Variants in GRID2 observed in about 807,000 individuals in gnomAD.
GRID2 encodes glutamate receptor ionotropic, delta-2.
A neutral mutation model predicts 114.8 loss-of-function variants in GRID2; 33 were observed. The ratio of observed to expected loss-of-function variants is 0.29; its 90% confidence interval spans 0.22 to 0.38. The LOEUF (loss-of-function observed/expected upper bound fraction) is 0.38, where lower values mean the gene tolerates loss of function less well. Among genes scored for constraint, GRID2 ranks in the 10% least tolerant of loss-of-function variants. The pLI, the probability that GRID2 is intolerant of heterozygous loss-of-function variation, is 1.00. For synonymous variants in GRID2, 505 were observed against 449.9 expected (o/e 1.12, Z -1.55); for missense variants, 1,184 against 1,257.7 (o/e 0.94, Z 0.89).
intron 1 of GRID2, among the ~76,000 whole-genome samples, chr4:92,334,338 T>G (rs1727055484): frequency 6.6e-6 from 1 of 152,334 alleles, no homozygotes; most frequent in East Asian, 1.9e-4. Context: ...TAGCAATCTG[T>G]GCTTTTGTTA....
At chr4:92,372,984 A>C (rs1360293986) in intron 1 of GRID2, among the ~76,000 whole-genome samples, 4 of 152,138 alleles carry the variant, frequency 2.6e-5, no homozygotes, top group Non-Finnish European at 5.9e-5. Flanking sequence ...TATTCAAACA[A>C]GTTGGTTTTA....
intron 14 of GRID2, among the ~76,000 whole-genome samples, chr4:93,663,667 T>C (rs908994532): frequency 2.0e-5 from 3 of 152,150 alleles, no homozygotes; most frequent in Non-Finnish European, 4.4e-5. Context: ...CCTCAGTCTA[T>C]GGGCCAGATA....
At chr4:92,658,427 G>A (rs1032371259) in intron 2 of GRID2, among the ~76,000 whole-genome samples, 3 of 151,712 alleles carry the variant, frequency 2.0e-5, no homozygotes, top group Non-Finnish European at 4.4e-5. Flanking sequence ...CAAGAAAAAA[G>A]GATTGCACAG....
intron 2 of GRID2, among the ~76,000 whole-genome samples, chr4:92,615,181 C>T (rs556461865): frequency 6.6e-6 from 1 of 151,472 alleles, no homozygotes; most frequent in Non-Finnish European, 1.5e-5. Flanking sequence ...TCACTGTATC[C>T]TAACATGGTC....
intron 2 of GRID2, among the ~76,000 whole-genome samples, chr4:92,767,356 G>T (rs916848733): frequency 2.0e-5 from 3 of 152,154 alleles, no homozygotes; most frequent in Non-Finnish European, 4.4e-5. Flanking sequence ...CACTGTACTT[G>T]TGTGTCTGTT....
At chr4:93,295,567 G>A (rs1255955788) in intron 8 of GRID2, among the ~76,000 whole-genome samples, 1 of 152,008 alleles carries the variant, frequency 6.6e-6, no homozygotes, top group African/African-American at 2.4e-5. Flanking sequence ...CAGTCCACAA[G>A]TGGAATTATA....
intron 8 of GRID2, 118 bp downstream of exon 8, chr4:93,238,608 A>G (rs995296611): frequency 9.1e-6 from 6 of 659,528 alleles, no homozygotes; most frequent in South Asian, 2.3e-5. Context: ...TGAAAGAGAA[A>G]GCAGGGGGTG....
chr4:93,129,898 A>G (rs1245909928), intron 4 of GRID2, among the ~76,000 whole-genome samples: 1 of 152,108 alleles, frequency 6.6e-6, no homozygotes, highest in Non-Finnish European at 1.5e-5. Context: ...TTGTTCAGAG[A>G]TGGAGTGGAT....
At chr4:92,932,783 T>A (rs4692976) in intron 2 of GRID2, among the ~76,000 whole-genome samples, 96,043 of 151,002 alleles carry the variant, frequency 0.64, 32,599 homozygotes, top group African/African-American at 0.87. Flanking sequence ...AAAAAAGTCT[T>A]TATTGAGCTA....
chr4:93,652,362 C>T (rs1329082046), intron 14 of GRID2, among the ~76,000 whole-genome samples: 2 of 152,022 alleles, frequency 1.3e-5, no homozygotes, highest in East Asian at 3.9e-4. Context: ...AGTCATGTAC[C>T]ACATAATGAC....
At chr4:93,030,871 A>G (rs78620051) in intron 2 of GRID2, among the ~76,000 whole-genome samples, 2,342 of 152,010 alleles carry the variant, frequency 0.015, 24 homozygotes, top group East Asian at 0.053. Context: ...GAGGAAAGGA[A>G]TGGGAAAGAG....
At chr4:92,961,091 A>AC (rs1210488147) in intron 2 of GRID2, among the ~76,000 whole-genome samples, 2 of 151,820 alleles carry the variant, frequency 1.3e-5, no homozygotes, top group African/African-American at 4.8e-5. Context: ...AATAATAATT[A>AC]CCCCCTCCAT....
At chr4:92,930,582 T>A (rs1750154046) in intron 2 of GRID2, among the ~76,000 whole-genome samples, 1 of 148,242 alleles carries the variant, frequency 6.7e-6, no homozygotes, top group Admixed American at 6.7e-5. Flanking sequence ...TTCGGCATTT[T>A]TTTTTTTTTT....
chr4:93,328,551 T>A (rs2149222812), intron 8 of GRID2, among the ~76,000 whole-genome samples: 1 of 152,348 alleles, frequency 6.6e-6, no homozygotes, highest in South Asian at 2.1e-4. Flanking sequence ...ATGACATTTA[T>A]CACAATCTAA....
intron 13 of GRID2, among the ~76,000 whole-genome samples, chr4:93,545,184 G>A (rs1578228967): frequency 6.6e-6 from 1 of 152,144 alleles, no homozygotes; most frequent in East Asian, 1.9e-4. Context: ...AGGTGCAGAG[G>A]CAGATAACAA....
At position 92,926,730 on chromosome 4, in the gene GRID2, A is replaced by G. The variant is rs570116582; in HGVS notation, c.245-158265A>G. 1.2e-4 allele frequency among the ~76,000 whole-genome samples: 18 copies of G among 152,058 alleles called. 2 individuals carry two copies. In the South Asian group the frequency reaches 3.3e-3, roughly 28 times the overall value. On this transcript the variant is annotated intron_variant, in intron 2 of 15. Transcript: ENST00000282020. ...GAGAACATCTGAGACTGGGTAATTT[A>G]TAGAGAACAGTTCTGGAAGCTGGGA...
intron 13 of GRID2, among the ~76,000 whole-genome samples, chr4:93,545,755 A>C (rs1257259008): frequency 6.6e-6 from 1 of 152,144 alleles, no homozygotes; most frequent in African/African-American, 2.4e-5. Flanking sequence ...CTATAAAGCA[A>C]ATATCAGTAC....
chr4:93,575,710 A>G (rs2149586438), intron 13 of GRID2, among the ~76,000 whole-genome samples: 1 of 152,324 alleles, frequency 6.6e-6, no homozygotes, highest in East Asian at 1.9e-4. Flanking sequence ...ATATAAAGAT[A>G]GCCTGATGTA....
intron 2 of GRID2, among the ~76,000 whole-genome samples, chr4:92,715,036 T>C (rs548187365): frequency 6.6e-6 from 1 of 152,284 alleles, no homozygotes; most frequent in South Asian, 2.1e-4. Context: ...GGTTGCGAAT[T>C]TTCCAAACTT....
Sources: allele counts gnomAD v4.1 joint callset (sites outside exome capture counted in the v4.1 genomes callset), GRCh38; gene constraint gnomAD v4.1.1; transcripts MANE v1.5; gene names NCBI Gene and HGNC (gene_info 2026-07-23, HGNC 2026-07-21).